Variants in TASP1 observed in about 807,000 individuals in gnomAD.
The protein encoded by TASP1 is taspase 1, also known as threonine aspartase 1.
TASP1 carries 16 observed loss-of-function variants against 56.6 expected under a neutral mutation model. That is an observed-to-expected ratio of 0.28 (90% confidence interval 0.19 to 0.43). The LOEUF is 0.43. Ranked by LOEUF, TASP1 falls within the 20% of genes least tolerant of loss-of-function variation. The pLI, the probability that TASP1 is intolerant of heterozygous loss-of-function variation, is 1.00. For missense variants in TASP1, 393 were observed against 511.6 expected (o/e 0.77, Z 2.24); for synonymous variants, 179 against 184.2 (o/e 0.97, Z 0.23).
the TASP1 span, among the ~76,000 whole-genome samples, chr20:13,261,243 G>A: frequency 2.1e-4 from 32 of 151,986 alleles, no homozygotes; most frequent in Middle Eastern, 3.4e-3. Flanking sequence ...GTAAAACCCC[G>A]TCTCTACTAA....
At chr20:13,182,496 T>A in the TASP1 span, among the ~76,000 whole-genome samples, 5 of 152,180 alleles carry the variant, frequency 3.3e-5, no homozygotes, top group Non-Finnish European at 5.9e-5. Flanking sequence ...CCTCTGTTTT[T>A]ACTCTTCTGT....
At chr20:13,305,289 T>G in the TASP1 span, among the ~76,000 whole-genome samples, 3 of 152,064 alleles carry the variant, frequency 2.0e-5, no homozygotes, top group African/African-American at 7.2e-5. Context: ...CATTTTTAAG[T>G]ACTTTTCCAT....
At chr20:13,299,795 A>C in the TASP1 span, 6 of 238,598 alleles carry the variant, frequency 2.5e-5, no homozygotes, top group Non-Finnish European at 5.0e-5. The surrounding 1 kb of genome is among the most constrained non-coding windows in gnomAD (Gnocchi z 5.8). Flanking sequence ...AAAGAGAGGC[A>C]AAGGGGGAAA....
intron 5 of TASP1, among the ~76,000 whole-genome samples, chr20:13,582,322 G>A (rs28399154): frequency 6.6e-6 from 1 of 151,400 alleles, no homozygotes; most frequent in Non-Finnish European, 1.5e-5. Flanking sequence ...TGTTATAAAT[G>A]TATAACTTAT....
the TASP1 span, among the ~76,000 whole-genome samples, chr20:13,179,423 G>GTGTGTGTGTGTA: frequency 2.0e-5 from 3 of 151,874 alleles, no homozygotes; most frequent in African/African-American, 7.3e-5. Flanking sequence ...GTGTGTGTGT[G>GTGTGTGTGTGTA]TGTGTGTGTG....
the TASP1 span, among the ~76,000 whole-genome samples, chr20:13,278,849 C>T: frequency 6.6e-6 from 1 of 152,198 alleles, no homozygotes; most frequent in South Asian, 2.1e-4. Context: ...TAGACGTGGG[C>T]TGAGGGACCT....
At chr20:13,274,647 G>T in the TASP1 span, among the ~76,000 whole-genome samples, 2 of 151,798 alleles carry the variant, frequency 1.3e-5, no homozygotes, top group African/African-American at 4.8e-5. Context: ...AAGAGTCCAC[G>T]TCCCGCCCCC....
chr20:13,316,916 T>C, the TASP1 span, among the ~76,000 whole-genome samples: 1 of 151,658 alleles, frequency 6.6e-6, no homozygotes, highest in East Asian at 1.9e-4. Flanking sequence ...TTCAACATCA[T>C]ACTACAAGTC....
At chr20:13,362,794 G>A in the TASP1 span, among the ~76,000 whole-genome samples, 4 of 111,400 alleles carry the variant, frequency 3.6e-5, no homozygotes, top group East Asian at 2.2e-4. Context: ...TGCAAAGGGT[G>A]TGAAATAGCA....
At chr20:13,483,616 A>G (rs373871143) in intron 10 of TASP1, among the ~76,000 whole-genome samples, 65 of 152,308 alleles carry the variant, frequency 4.3e-4, no homozygotes, top group African/African-American at 1.5e-3. Flanking sequence ...GGTGTTAGGC[A>G]CTAACAAAAA....
chr20:13,164,911 C>T, the TASP1 span: 6 of 1,499,354 alleles, frequency 4.0e-6, no homozygotes, highest in Non-Finnish European at 4.6e-6. Flanking sequence ...GCGAGAAAGA[C>T]CTCCCTCCTT....
chr20:13,377,093 C>G, the TASP1 span, among the ~76,000 whole-genome samples: 1 of 152,162 alleles, frequency 6.6e-6, no homozygotes, highest in South Asian at 2.1e-4. Flanking sequence ...TTGCCCTGGC[C>G]AGAACTTCCA....
At chr20:13,118,987 C>A in the TASP1 span, among the ~76,000 whole-genome samples, 4 of 152,346 alleles carry the variant, frequency 2.6e-5, no homozygotes, top group South Asian at 8.3e-4. Context: ...TCTTCACTGG[C>A]CTGTGGGAAT....
At chr20:13,105,968 C>A in the TASP1 span, among the ~76,000 whole-genome samples, 1 of 152,102 alleles carries the variant, frequency 6.6e-6, no homozygotes, top group Non-Finnish European at 1.5e-5. Context: ...AAAGAAGATA[C>A]CCAAATAGGT....
At chr20:13,170,816 A>C in the TASP1 span, among the ~76,000 whole-genome samples, 1 of 152,228 alleles carries the variant, frequency 6.6e-6, no homozygotes, top group Non-Finnish European at 1.5e-5. Context: ...AACTAAGGCA[A>C]GGAAATGGCT....
intron 7 of TASP1, among the ~76,000 whole-genome samples, chr20:13,560,695 T>C (rs1398243713): frequency 1.3e-5 from 2 of 152,142 alleles, no homozygotes; most frequent in Non-Finnish European, 2.9e-5. Flanking sequence ...AAACTATCTC[T>C]GAGAAACTTT....
chr20:13,297,782 G>GC, the TASP1 span, among the ~76,000 whole-genome samples: 2 of 152,176 alleles, frequency 1.3e-5, no homozygotes, highest in Non-Finnish European at 2.9e-5. Flanking sequence ...TTAAATATAG[G>GC]CAACTAATCA....
the TASP1 span, chr20:13,299,675 T>C: frequency 1.4e-5 from 7 of 493,384 alleles, no homozygotes; most frequent in Non-Finnish European, 2.1e-5. This position sits in a 1 kb window ranked among gnomAD's most constrained non-coding sequence, Gnocchi z 5.8. Flanking sequence ...TCCTTGAAAG[T>C]GCCCCTGGGG....
chr20:13,246,554 G>A, the TASP1 span, among the ~76,000 whole-genome samples: 1 of 152,192 alleles, frequency 6.6e-6, no homozygotes, highest in Non-Finnish European at 1.5e-5. Flanking sequence ...AGGGAGTGTC[G>A]TGCTTTCCAA....
Sources: allele counts gnomAD v4.1 joint callset (sites outside exome capture counted in the v4.1 genomes callset), GRCh38; gene constraint gnomAD v4.1.1; non-coding constraint Gnocchi (gnomAD v3.1); transcripts MANE v1.5; gene names NCBI Gene and HGNC (gene_info 2026-07-23, HGNC 2026-07-21).